SGSM1: variants seen among roughly 807,000 people sequenced by gnomAD.
SGSM1 encodes the protein small G protein signaling modulator 1.
Under a neutral mutation model 133.8 loss-of-function variants are expected in SGSM1, and 73 were observed. The observed-to-expected ratio is 0.55, with a 90% CI of 0.45 to 0.66. The LOEUF (loss-of-function observed/expected upper bound fraction) is 0.66, where lower values mean the gene tolerates loss of function less well. Ranked by LOEUF, SGSM1 falls within the 30% of genes least tolerant of loss-of-function variation. The pLI is 0.00. For missense variants in SGSM1, 1,213 were observed against 1,448.1 expected, an observed-to-expected ratio of 0.84 and a Z score of 2.64; for synonymous variants, 563 against 573.0, an observed-to-expected ratio of 0.98 and a Z score of 0.25.
intron 12 of SGSM1, chr22:24,874,419 C>T (rs776269366): frequency 5.0e-6 from 8 of 1,608,750 alleles, no homozygotes; most frequent in African/African-American, 2.7e-5. Flanking sequence ...CTCAAGTTGC[C>T]CCCGACTTCT....
chr22:24,900,313 C>T (rs114426442), intron 19 of SGSM1, among the ~76,000 whole-genome samples: 2,217 of 151,356 alleles, frequency 0.015, 30 homozygotes, highest in African/African-American at 0.045. Flanking sequence ...ACCAGTGCAC[C>T]CCAGCTTTTG....
intron 17 of SGSM1, among the ~76,000 whole-genome samples, 165 bp from the exon 18 acceptor site, chr22:24,895,058 C>T (rs1477730073): frequency 6.6e-6 from 1 of 152,110 alleles, no homozygotes; most frequent in East Asian, 1.9e-4. Context: ...GGAGTGGTGC[C>T]CCCCTTTCAT....
In SGSM1 at chr22:24,868,800, T is replaced by G; in HGVS notation, c.1236T>G (p.Asp412Glu). Reference sequence around the variant, plus strand: ...CCACATCTTCAGACAAAGATGATGATGAGGCCACGGATTATGTGTTCAGGA... The same window carrying G: ...CCACATCTTCAGACAAAGATGATGAGGAGGCCACGGATTATGTGTTCAGGA... ...AESTSSDKDDDEATDYVFRII... is the reference protein window; with the variant it reads ...AESTSSDKDDEEATDYVFRII... The change falls in exon 12 of 25, where the codon GAT (aspartate) becomes GAG (glutamate). Residue 412 changes from aspartate (D) to glutamate (E), a missense_variant. Physicochemically the swap from Asp to Glu is conservative, Grantham distance 45 (BLOSUM62 2). Transcript: ENST00000400358. 1 of 1,614,014 alleles carries G rather than the reference T, an allele frequency of 6.2e-7. No individual in the cohort carries two copies. The highest frequency in any genetic ancestry group is 8.5e-7 in the Non-Finnish European group (1 of 1,179,902).
intron 17 of SGSM1, 127 bp downstream of exon 17, chr22:24,893,740 TC>T: frequency 9.5e-7 from 1 of 1,057,856 alleles, no homozygotes; most frequent in Non-Finnish European, 1.3e-6. Context: ...CCTGGCTTTT[TC>T]TTTAAGAGTG....
chr22:24,806,372 C>T lies in SGSM1; in HGVS notation c.19+28C>T, dbSNP rs1419869029. 4.0e-6 allele frequency: 6 copies of T among 1,503,236 alleles called. No individual in the cohort carries two copies. The Admixed American group carries it at 1.1e-4, about 28-fold the overall frequency. 93.1% of individuals were successfully genotyped at this position (1,503,236 alleles called of 1,614,324 possible). A position where few individuals can be genotyped will look rare whatever the true frequency, so the allele number is the denominator to read the frequency against. On this transcript the variant is annotated intron_variant, in intron 1 of 24. Transcript: ENST00000400358. The stretch of plus-strand genomic sequence containing the variant: ...AAGAGGCCGCTGGACACGAGGGCGG[C>T]GGGAGGGCAGCGCCCGGCCCCCGCA...
intron 2 of SGSM1, chr22:24,843,824 C>T (rs1017368000): frequency 2.6e-5 from 4 of 152,078 alleles, no homozygotes; most frequent in South Asian, 2.1e-4. Context: ...CAAGGGAGTG[C>T]GCAGGGAAGA....
intron 9 of SGSM1, among the ~76,000 whole-genome samples, chr22:24,863,516 G>C (rs1455274873): frequency 6.6e-6 from 1 of 152,064 alleles, no homozygotes; most frequent in East Asian, 1.9e-4. Flanking sequence ...CACTGCCCAG[G>C]AGCTGGGGCA....
chr22:24,903,986 A>C (rs1230705070), intron 20 of SGSM1, among the ~76,000 whole-genome samples: 2 of 136,784 alleles, frequency 1.5e-5, no homozygotes, highest in Non-Finnish European at 3.2e-5. Flanking sequence ...AAAAAGAAAA[A>C]AAAAAAAAAA....
At chr22:24,855,795 C>T in intron 8 of SGSM1, 115 bp downstream of exon 8, 1 of 1,480,706 alleles carries the variant, frequency 6.8e-7, no homozygotes, top group South Asian at 1.2e-5. Flanking sequence ...TGCACTCACC[C>T]ATGCACACAT....
intron 18 of SGSM1, among the ~76,000 whole-genome samples, chr22:24,896,750 G>A (rs933349055): frequency 1.4e-4 from 21 of 151,788 alleles, no homozygotes; most frequent in African/African-American, 5.1e-4. Context: ...GCCGAGGCAG[G>A]TCAATGACCT....
intron 21 of SGSM1, among the ~76,000 whole-genome samples, chr22:24,908,982 G>A (rs1195812170): frequency 6.6e-6 from 1 of 152,206 alleles, no homozygotes; most frequent in Non-Finnish European, 1.5e-5. Flanking sequence ...TTGCCGCACG[G>A]CAGGAGGTGA....
intron 2 of SGSM1, 119 bp downstream of exon 2, chr22:24,806,603 G>A (rs937847448): frequency 3.2e-6 from 4 of 1,232,296 alleles, no homozygotes; most frequent in Non-Finnish European, 3.2e-6. Flanking sequence ...ACAGGTGTGG[G>A]GCTCACCTGG....
chr22:24,841,234 C>T (rs751882681), intron 2 of SGSM1, among the ~76,000 whole-genome samples: 1 of 152,216 alleles, frequency 6.6e-6, no homozygotes, highest in Non-Finnish European at 1.5e-5. Context: ...TAAGAGTACA[C>T]TGTTTATGAC....
intron 9 of SGSM1, among the ~76,000 whole-genome samples, chr22:24,863,247 C>T (rs971906797): frequency 2.8e-4 from 43 of 152,338 alleles, no homozygotes; most frequent in Admixed American, 2.1e-3. Flanking sequence ...ACCTCCGCCT[C>T]CTGGGTTCAA....
intron 17 of SGSM1, 151 bp from the exon 18 acceptor site, chr22:24,895,072 A>T: frequency 2.7e-6 from 2 of 753,464 alleles, no homozygotes; most frequent in Non-Finnish European, 2.2e-6. Flanking sequence ...CTTTCATTTT[A>T]CAGCTAGGAA....
intron 16 of SGSM1, among the ~76,000 whole-genome samples, chr22:24,890,464 T>A (rs1190739092): frequency 1.3e-5 from 2 of 152,208 alleles, no homozygotes. Flanking sequence ...GTGTTAACAC[T>A]GACACAATAC....
chr22:24,920,121 C>G, intron 24 of SGSM1, 128 bp downstream of exon 24: 1 of 951,762 alleles, frequency 1.1e-6, no homozygotes. Context: ...GCTCTGCACA[C>G]TTCTTATGGC....
intron 20 of SGSM1, among the ~76,000 whole-genome samples, chr22:24,902,682 A>G (rs904956290): frequency 6.6e-6 from 1 of 151,768 alleles, no homozygotes; most frequent in African/African-American, 2.4e-5. Context: ...GTAAGACCCC[A>G]TCTCTTAAAA....
Position 24,806,256 on chromosome 22 carries a change from G to C in SGSM1, c.-70G>C. 7.4e-7 allele frequency: 1 copy of C among 1,350,456 alleles called. No individual in the cohort carries two copies. Among genetic ancestry groups the C allele is most frequent in the Non-Finnish European group, 9.5e-7 (1 of 1,058,076 alleles). 83.7% of individuals were successfully genotyped at this position (1,350,456 alleles called of 1,614,324 possible). A position where few individuals can be genotyped will look rare whatever the true frequency, so the allele number is the denominator to read the frequency against. ...CCGCCGCGGCTGCAGCAGCAGCGCC[G>C]CGGCCGGAGGAGCTACCGCCGCCAC... On this transcript the variant is annotated 5_prime_UTR_variant, in exon 1 of 25. Transcript: ENST00000400358.
Sources: allele counts gnomAD v4.1 joint callset (sites outside exome capture counted in the v4.1 genomes callset), GRCh38; gene constraint gnomAD v4.1.1; transcripts MANE v1.5; gene names NCBI Gene and HGNC (gene_info 2026-07-23, HGNC 2026-07-21).